Variants in ZNF407 observed in about 807,000 individuals in gnomAD.
ZNF407 encodes zinc finger protein 407.
In ZNF407, 17 loss-of-function variants were observed where a neutral mutation model predicts 131.2. The ratio of observed to expected loss-of-function variants is 0.13; its 90% CI spans 0.09 to 0.19. The LOEUF is 0.19. Among genes scored for constraint, ZNF407 ranks in the 10% least tolerant of loss-of-function variants. The pLI, the probability that ZNF407 is intolerant of heterozygous loss-of-function variation, is 1.00. For missense variants in ZNF407, 2,681 were observed against 2,830.6 expected, an observed-to-expected ratio of 0.95 and a Z score of 1.20; for synonymous variants, 1,156 against 1,062.0, an observed-to-expected ratio of 1.09 and a Z score of -1.72.
chr18:74,720,228 C>T (rs1599097315), intron 3 of ZNF407, among the ~76,000 whole-genome samples: 1 of 151,750 alleles, frequency 6.6e-6, no homozygotes, highest in East Asian at 1.9e-4. Flanking sequence ...TGAGATGAGA[C>T]CTCGGTGTGG....
intron 1 of ZNF407, among the ~76,000 whole-genome samples, chr18:74,618,310 C>A (rs1310596209): frequency 6.6e-6 from 1 of 152,204 alleles, no homozygotes; most frequent in Non-Finnish European, 1.5e-5. Flanking sequence ...GGGCATAGTA[C>A]TAAAGACCAA....
At chr18:74,994,600 C>A (rs191058881) in intron 8 of ZNF407, among the ~76,000 whole-genome samples, 1 of 152,150 alleles carries the variant, frequency 6.6e-6, no homozygotes, top group African/African-American at 2.4e-5. Context: ...GTGGACTGTC[C>A]CTGCTGGTGT....
chr18:74,977,251 A>G (rs1481516301), intron 8 of ZNF407, among the ~76,000 whole-genome samples: 1 of 152,264 alleles, frequency 6.6e-6, no homozygotes, highest in Non-Finnish European at 1.5e-5. Context: ...ATTCATGTAG[A>G]TCAGCGTCAG....
chr18:75,021,342 C>T (rs767206260), intron 8 of ZNF407, among the ~76,000 whole-genome samples: 6 of 151,984 alleles, frequency 3.9e-5, no homozygotes, highest in Non-Finnish European at 8.8e-5. Context: ...AATCATGGCT[C>T]ATTGCAGCCT....
chr18:74,923,163 A>G (rs1458971438), intron 8 of ZNF407, among the ~76,000 whole-genome samples: 2 of 152,186 alleles, frequency 1.3e-5, no homozygotes, highest in African/African-American at 2.4e-5. Flanking sequence ...AGAGCATGAA[A>G]GACTATATGT....
At chr18:74,788,786 GTAT>G (rs1025934174) in intron 4 of ZNF407, among the ~76,000 whole-genome samples, 1 of 149,036 alleles carries the variant, frequency 6.7e-6, no homozygotes, top group African/African-American at 2.4e-5. Flanking sequence ...TGTATCCTGA[GTAT>G]TATTTTATTT....
At chr18:74,664,281 C>T (rs1985839523) in intron 3 of ZNF407, among the ~76,000 whole-genome samples, 1 of 152,208 alleles carries the variant, frequency 6.6e-6, no homozygotes. Flanking sequence ...GAGTGGATCA[C>T]CTGAGGTCAG....
Position 74,632,294 on chromosome 18 carries a change from T to C in ZNF407, c.1275T>C (p.Asn425=). 2.5e-6 allele frequency: 4 copies of C among 1,613,932 alleles called. No individual in the cohort carries two copies. The highest frequency in any genetic ancestry group is 3.4e-6 in the Non-Finnish European group (4 of 1,179,890). The part of the protein sequence containing the change: ...RPERNILVLG[N]SFRRRSSTFT... ...AGCGAAATATTCTCGTGTTGGGTAA[T>C]AGCTTTCGTCGACGAAGCAGCACTT... Residue 425 remains asparagine, a synonymous_variant, in exon 2 of 9, where the codon AAT becomes AAC. Transcript: ENST00000299687.
intron 4 of ZNF407, among the ~76,000 whole-genome samples, chr18:74,838,330 G>C (rs1970585978): frequency 6.6e-6 from 1 of 152,162 alleles, no homozygotes. Context: ...TCATGCCACT[G>C]AATGTCCTTC....
At chr18:74,751,641 C>G (rs1296332604) in intron 3 of ZNF407, among the ~76,000 whole-genome samples, 2 of 151,950 alleles carry the variant, frequency 1.3e-5, no homozygotes, top group Non-Finnish European at 2.9e-5. Flanking sequence ...TCTGTCCTTG[C>G]AATAGTTTGC....
chr18:74,764,565 G>A (rs8082884), intron 3 of ZNF407, among the ~76,000 whole-genome samples: 118,603 of 152,196 alleles, frequency 0.78, 50,072 homozygotes, highest in Non-Finnish European at 0.93. Context: ...CAATACAATA[G>A]AACAACTATT....
At chr18:74,663,143 A>G (rs554356370) in intron 3 of ZNF407, among the ~76,000 whole-genome samples, 18 of 152,242 alleles carry the variant, frequency 1.2e-4, no homozygotes, top group African/African-American at 4.1e-4. Flanking sequence ...TTAAGTAAAA[A>G]CAGTCTAGTT....
chr18:75,029,925 A>G (rs1025616994), intron 8 of ZNF407, among the ~76,000 whole-genome samples: 1 of 152,226 alleles, frequency 6.6e-6, no homozygotes, highest in Non-Finnish European at 1.5e-5. Flanking sequence ...AAACGTTATG[A>G]AGAACGTGTG....
At chr18:74,801,414 C>T (rs550286232) in intron 4 of ZNF407, among the ~76,000 whole-genome samples, 164 of 152,198 alleles carry the variant, frequency 1.1e-3, no homozygotes, top group Admixed American at 1.6e-3. Context: ...GTATCACAAA[C>T]GTGGGCCATG....
intron 1 of ZNF407, among the ~76,000 whole-genome samples, chr18:74,613,742 G>A (rs1436773851): frequency 6.6e-6 from 1 of 152,172 alleles, no homozygotes; most frequent in East Asian, 1.9e-4. Flanking sequence ...GCTTTTTGGT[G>A]TGTTTGATGT....
intron 1 of ZNF407, among the ~76,000 whole-genome samples, chr18:74,607,222 A>T (rs1982846722): frequency 6.6e-6 from 1 of 152,162 alleles, no homozygotes. Context: ...AAACTGGCTC[A>T]GCAGGCCAGG....
At chr18:74,660,245 AT>A (rs1170946392) in intron 3 of ZNF407, among the ~76,000 whole-genome samples, 4 of 152,022 alleles carry the variant, frequency 2.6e-5, no homozygotes, top group East Asian at 1.9e-4. Flanking sequence ...GTAAACATAG[AT>A]TTTTTTTATT....
intron 7 of ZNF407, among the ~76,000 whole-genome samples, chr18:74,900,267 TG>T (rs1971506534): frequency 6.6e-6 from 1 of 152,296 alleles, no homozygotes; most frequent in African/African-American, 2.4e-5. Context: ...TCTCTGCACA[TG>T]GAGAACTGTG....
chr18:74,660,993 A>G lies in ZNF407; in HGVS notation c.4802+19871A>G, dbSNP rs372227595. 2.1e-4 allele frequency among the ~76,000 whole-genome samples: 32 copies of G among 152,328 alleles called. No homozygotes were observed. In the East Asian group the frequency reaches 2.3e-3, roughly 11 times the overall value. On this transcript the variant is annotated intron_variant, in intron 3 of 8. Coordinates refer to ENST00000299687, the MANE Select transcript of ZNF407 (RefSeq NM_017757.3). ...GTCTCACCACCTCATGCTATTATCT[A>G]TTAAAAGCGGATGTCATAGAATTCA... is the stretch of plus-strand genomic sequence containing the variant.
Sources: allele counts gnomAD v4.1 joint callset (sites outside exome capture counted in the v4.1 genomes callset), GRCh38; gene constraint gnomAD v4.1.1; transcripts MANE v1.5; gene names NCBI Gene and HGNC (gene_info 2026-07-23, HGNC 2026-07-21).